The following DLGAP1 variants were observed in gnomAD, a reference collection of about 807,000 sequenced individuals.
DLGAP1 encodes DLG associated protein 1.
A neutral mutation model predicts 90.8 loss-of-function variants in DLGAP1; 11 were observed. That is an observed-to-expected ratio of 0.12 (90% CI 0.08 to 0.20). DLGAP1 has a LOEUF of 0.20. Ranked by LOEUF, DLGAP1 falls within the 10% of genes least tolerant of loss-of-function variation. The probability of loss-of-function intolerance (pLI) is 1.00; values close to 1 mark genes in which losing one functional copy is unlikely to be tolerated. For missense variants in DLGAP1, 1,050 were observed against 1,333.8 expected (o/e 0.79, Z 3.31); for synonymous variants, 558 against 540.7 (o/e 1.03, Z -0.44).
chr18:3,604,749 G>A (rs1252771522), intron 7 of DLGAP1, among the ~76,000 whole-genome samples: 1 of 152,086 alleles, frequency 6.6e-6, no homozygotes, highest in South Asian at 2.1e-4. Context: ...TTAACTCAAG[G>A]TTTCTCCAAC....
At chr18:3,811,974 A>G (rs2066867943) in intron 5 of DLGAP1, among the ~76,000 whole-genome samples, 2 of 152,190 alleles carry the variant, frequency 1.3e-5, no homozygotes, top group South Asian at 4.1e-4. Flanking sequence ...GCTGTGGACA[A>G]GAGCAATTCC....
intron 2 of DLGAP1, among the ~76,000 whole-genome samples, chr18:4,021,396 T>C (rs1452237551): frequency 6.6e-6 from 1 of 151,966 alleles, no homozygotes; most frequent in Non-Finnish European, 1.5e-5. Context: ...CTGTCTCTCT[T>C]TCTCTCTTGC....
chr18:3,868,290 G>C (rs1052035345), intron 4 of DLGAP1, among the ~76,000 whole-genome samples: 1 of 152,176 alleles, frequency 6.6e-6, no homozygotes, highest in Non-Finnish European at 1.5e-5. Flanking sequence ...GACACCCCTT[G>C]AGTTACAGAT....
chr18:4,128,564 G>GA (rs2076266208), intron 2 of DLGAP1, among the ~76,000 whole-genome samples: 1 of 152,218 alleles, frequency 6.6e-6, no homozygotes, highest in Non-Finnish European at 1.5e-5. Context: ...CAAATGAGCA[G>GA]AAAAGAAAGC....
At chr18:3,893,405 C>G (rs1247815688) in intron 3 of DLGAP1, among the ~76,000 whole-genome samples, 2 of 151,736 alleles carry the variant, frequency 1.3e-5, no homozygotes, top group Non-Finnish European at 2.9e-5. Context: ...GGTGAAATCC[C>G]CTTTCTACTA....
intron 5 of DLGAP1, among the ~76,000 whole-genome samples, chr18:3,748,498 G>A (rs1165283038): frequency 6.6e-6 from 1 of 152,194 alleles, no homozygotes; most frequent in Non-Finnish European, 1.5e-5. Context: ...CCATCTTATG[G>A]AGCCATCTGC....
chr18:3,972,341 G>T (rs534539618), intron 3 of DLGAP1, among the ~76,000 whole-genome samples: 1 of 151,820 alleles, frequency 6.6e-6, no homozygotes, highest in African/African-American at 2.4e-5. Context: ...GCAAAATTCC[G>T]TCTCTATTTA....
Position 3,879,452 on chromosome 18 carries a change from T to G in DLGAP1, c.617A>C (p.Asp206Ala). The G allele has an allele frequency of 6.2e-7, 1 of 1,607,178 alleles. No individual in the cohort carries two copies. The highest frequency in any genetic ancestry group is 8.5e-7 in the Non-Finnish European group (1 of 1,179,924). ...GATGCACATGTCACCATCCAGGTTG[T>G]CGTCCGAGCTCCACCAGCCCGGGGA... ...STSPGWWSSD[D>A]NLDGDMCIYH... is the part of the protein sequence containing the mutation. Residue 206 changes from aspartate (D) to alanine (A), a missense_variant, in exon 4 of 13, where the codon GAC (aspartate) becomes GCC (alanine). Asp to Ala is a moderately radical substitution (Grantham distance 126). Around this residue, in one of 2 missense-constraint regions of DLGAP1, gnomAD observed 485 missense variants for 454.1 expected, o/e 1.07. Coordinates refer to ENST00000315677, the MANE Select transcript of DLGAP1 (RefSeq NM_004746.4). This position sits in a 1 kb window ranked among gnomAD's most constrained non-coding sequence, Gnocchi z 6.6.
At chr18:3,661,695 G>A (rs2059689623) in intron 7 of DLGAP1, among the ~76,000 whole-genome samples, 2 of 150,616 alleles carry the variant, frequency 1.3e-5, no homozygotes, top group Non-Finnish European at 2.9e-5. Context: ...TCATGCCTCA[G>A]CCTCCCACGT....
Position 4,203,047 on chromosome 18 carries a change from G to A in DLGAP1, c.-266-51760C>T, listed in dbSNP as rs556079705. Among the ~76,000 whole-genome samples, 4 of 152,128 alleles carry A rather than the reference G, an allele frequency of 2.6e-5. No homozygotes were observed. The South Asian group carries it at 8.3e-4, about 32-fold the overall frequency. On this transcript the variant is annotated intron_variant, in intron 1 of 12. Coordinates refer to ENST00000315677, the MANE Select transcript of DLGAP1 (RefSeq NM_004746.4). ...TCCTAGCACTTTGGGAGGCAGAGGT[G>A]GGCAGATATCTAAGGTCAGGAGTTC...
In DLGAP1 at chr18:3,660,207, C is replaced by G. The variant is rs1361769593; in HGVS notation, c.1591+68928G>C. ...AAAAGGATTGGGGGTGGGGGTCTCA[C>G]TTTGTTGGCCAGCCTGGCCTTGAAC... On this transcript the variant is annotated intron_variant, in intron 7 of 12. Transcript: ENST00000315677. The surrounding 1 kb of genome is among the most constrained non-coding windows in gnomAD (Gnocchi z 4.2). Among the ~76,000 whole-genome samples the G allele has an allele frequency of 6.6e-6, 1 of 152,158 alleles. No individual in the cohort carries two copies. The highest frequency in any genetic ancestry group is 2.4e-5 in the African/African-American group (1 of 41,430).
rs561573261 is a variant in DLGAP1, at chr18:3,560,841, G to T, written c.2057+6649C>A. Among the ~76,000 whole-genome samples, 100 of 150,114 alleles carry T rather than the reference G, an allele frequency of 6.7e-4. 8 individuals carry two copies. The highest frequency in any genetic ancestry group is 2.4e-3 in the African/African-American group (96 of 39,938). On this transcript the variant is annotated intron_variant, in intron 9 of 12. Coordinates refer to ENST00000315677, the MANE Select transcript of DLGAP1 (RefSeq NM_004746.4). ...TGATTGAATTTTCTTTTCTTTCTTA[G>T]CATACTAATTTTACTTCTCTTTTAC...
chr18:4,081,725 T>A (rs974489179), intron 2 of DLGAP1, among the ~76,000 whole-genome samples: 7 of 152,308 alleles, frequency 4.6e-5, no homozygotes, highest in Admixed American at 4.6e-4. Flanking sequence ...TCATCAACCA[T>A]TGCCTTCTGT....
At chr18:4,439,362 T>C (rs998238763) in intron 1 of DLGAP1, among the ~76,000 whole-genome samples, 2 of 152,256 alleles carry the variant, frequency 1.3e-5, no homozygotes, top group African/African-American at 2.4e-5. Flanking sequence ...ACATGCCTAG[T>C]TGTTATTATA....
At chr18:3,706,763 C>G (rs60154369) in intron 7 of DLGAP1, among the ~76,000 whole-genome samples, 2,778 of 151,892 alleles carry the variant, frequency 0.018, 90 homozygotes, top group East Asian at 0.14. Flanking sequence ...AGAGGCGACT[C>G]CAGCCAGAAG....
intron 6 of DLGAP1, among the ~76,000 whole-genome samples, chr18:3,733,843 C>T (rs2062536823): frequency 6.6e-6 from 1 of 152,164 alleles, no homozygotes; most frequent in Non-Finnish European, 1.5e-5. Flanking sequence ...TAAAATGCTA[C>T]ACACATCATT....
chr18:4,393,968 TCTC>T (rs5822814), intron 1 of DLGAP1, among the ~76,000 whole-genome samples: 52,194 of 151,898 alleles, frequency 0.34, 9,308 homozygotes, highest in Admixed American at 0.42. Context: ...CCATGGCTCA[TCTC>T]CTTCCTGCTG....
chr18:3,838,419 C>G (rs2068526686), intron 4 of DLGAP1, among the ~76,000 whole-genome samples: 1 of 152,174 alleles, frequency 6.6e-6, no homozygotes, highest in Non-Finnish European at 1.5e-5. Context: ...ATATTTGTAT[C>G]TCTGATAGTG....
At chr18:4,353,399 TC>T (rs2081440078) in intron 1 of DLGAP1, among the ~76,000 whole-genome samples, 1 of 152,134 alleles carries the variant, frequency 6.6e-6, no homozygotes. Flanking sequence ...ACAAGGACCT[TC>T]GAAAGTGAGC....
Sources: allele counts gnomAD v4.1 joint callset (sites outside exome capture counted in the v4.1 genomes callset), GRCh38; gene constraint gnomAD v4.1.1; regional missense constraint gnomAD v4.1.1; non-coding constraint Gnocchi (gnomAD v3.1); transcripts MANE v1.5; gene names NCBI Gene and HGNC (gene_info 2026-07-23, HGNC 2026-07-21).